HEATR1: variants seen among roughly 807,000 people sequenced by gnomAD.
The protein encoded by HEATR1 is HEAT repeat containing 1, also known as HEAT repeat-containing protein 1.
A neutral mutation model predicts 248.2 loss-of-function variants in HEATR1; 77 were observed. That is an observed-to-expected ratio of 0.31 (90% CI 0.26 to 0.37). HEATR1 has a LOEUF of 0.37. HEATR1 is among the 10% of genes least tolerant of loss of function. The pLI is 1.00. For missense variants in HEATR1, 2,420 were observed against 2,504.9 expected (o/e 0.97, Z 0.72); for synonymous variants, 897 against 923.1 (o/e 0.97, Z 0.51).
intron 26 of HEATR1, among the ~76,000 whole-genome samples, chr1:236,572,068 T>C (rs1663444045): frequency 6.6e-6 from 1 of 152,170 alleles, no homozygotes; most frequent in African/African-American, 2.4e-5. Context: ...TATGAAAATA[T>C]ATTTAGATAG....
In HEATR1 at chr1:236,574,701, T is replaced by G; in HGVS notation, c.3287A>C (p.Tyr1096Ser). 1 of 1,613,994 alleles carries G rather than the reference T, an allele frequency of 6.2e-7. No homozygotes were observed. Among genetic ancestry groups the G allele is most frequent in the South Asian group, 1.1e-5 (1 of 91,056 alleles). ...IKAVHTTKELYAGMPTIQITA... is the reference protein window; with the variant it reads ...IKAVHTTKELSAGMPTIQITA... The stretch of plus-strand genomic sequence containing the variant: ...GATCTGAATGGTTGGCATTCCCGCG[T>G]AAAGTTCCTTTGTTGTGTGCACAGC... Residue 1096 changes from tyrosine to serine, a missense_variant, in exon 23 of 45, where the codon TAC (tyrosine) becomes TCC (serine). Tyr to Ser is a moderately radical substitution (Grantham distance 144). Transcript: ENST00000366582.
intron 19 of HEATR1, 65 bp downstream of exon 19, chr1:236,582,671 G>A (rs917989417): frequency 3.2e-6 from 5 of 1,567,334 alleles, no homozygotes; most frequent in Non-Finnish European, 4.4e-6. Flanking sequence ...CCAAAGTGCT[G>A]GGATTGCAGG....
chr1:236,603,886 A>G, intron 2 of HEATR1, 68 bp downstream of exon 2: 1 of 1,546,180 alleles, frequency 6.5e-7, no homozygotes, highest in Non-Finnish European at 8.7e-7. Context: ...CAAGGGGAAA[A>G]AAAAAAAACA....
In HEATR1 at chr1:236,550,871, C is replaced by CT. The variant is rs893445042; in HGVS notation, c.*30dup. 8 of 1,518,822 alleles carry CT rather than the reference C, an allele frequency of 5.3e-6. No homozygotes were observed. Among genetic ancestry groups the CT allele is most frequent in the Admixed American group, 4.3e-5 (2 of 45,990 alleles). The allele number at this position is 1,518,822 out of a possible 1,614,324, so 94.1% of individuals were successfully genotyped here. ...AAAATATGAAATATGAGTGTGAACTCTGAGTAGAGTATGAAACACCACAGA... is the reference window on the plus strand; with the variant it reads ...AAAATATGAAATATGAGTGTGAACTCTTGAGTAGAGTATGAAACACCACAGA... On this transcript the variant is annotated 3_prime_UTR_variant, in exon 45 of 45. Coordinates refer to ENST00000366582, the MANE Select transcript of HEATR1 (RefSeq NM_018072.6).
Position 236,550,787 on chromosome 1 carries a change from T to C in HEATR1, c.*115A>G. The C allele has an allele frequency of 1.4e-6, 1 of 734,492 alleles. No homozygotes were observed. The highest frequency in any genetic ancestry group is 2.0e-5 in the South Asian group (1 of 51,130). The allele number at this position is 734,492 out of a possible 1,614,324, so 45.5% of individuals were successfully genotyped here. ...AAAGAAGTGATAAAACATTTGTAAG[T>C]AATCCAAGTAGGTGTATTAAGGCAC... On this transcript the variant is annotated 3_prime_UTR_variant, in exon 45 of 45. Transcript: ENST00000366582.
chr1:236,583,310 G>C, intron 17 of HEATR1, 114 bp from the exon 18 acceptor site: 1 of 858,890 alleles, frequency 1.2e-6, no homozygotes, highest in Non-Finnish European at 1.8e-6. Context: ...TTTTGGTGGG[G>C]AAAGGATTAA....
chr1:236,575,583 G>C (rs1406512300), intron 22 of HEATR1, among the ~76,000 whole-genome samples: 1 of 152,148 alleles, frequency 6.6e-6, no homozygotes, highest in African/African-American at 2.4e-5. Context: ...CAACCTGTTT[G>C]TTCCTACCAA....
At chr1:236,598,041 C>T (rs1347696039) in intron 4 of HEATR1, 62 bp from the exon 5 acceptor site, 1 of 1,041,768 alleles carries the variant, frequency 9.6e-7, no homozygotes, top group Non-Finnish European at 1.5e-6. Context: ...TATTTTAAAG[C>T]ATTTACCCTA....
Position 236,566,015 on chromosome 1 carries a change from A to C in HEATR1, c.4339T>G (p.Trp1447Gly). ...DAILEADTEF[W>G]FSVCCEFSVQ... ...CTAAACTCACAACAGACTGAAAACC[A>C]AAATTCAGTGTCTGCTTCTAAAATA... The change falls in exon 31 of 45, where the codon TGG (tryptophan) becomes GGG (glycine). Residue 1447 changes from tryptophan (W) to glycine (G), a missense_variant. Physicochemically the swap from Trp to Gly is radical, Grantham distance 184 (BLOSUM62 -2). Coordinates refer to ENST00000366582, the MANE Select transcript of HEATR1 (RefSeq NM_018072.6). The C allele has an allele frequency of 1.2e-6, 2 of 1,613,784 alleles. No individual in the cohort carries two copies. Among genetic ancestry groups the C allele is most frequent in the South Asian group, 1.1e-5 (1 of 91,052 alleles).
chr1:236,556,635 T>TGG (rs1279714811), intron 37 of HEATR1, among the ~76,000 whole-genome samples: 1 of 152,170 alleles, frequency 6.6e-6, no homozygotes, highest in Non-Finnish European at 1.5e-5. Context: ...CTGGCTGTGG[T>TGG]GTAAGTGAAG....
In HEATR1 at chr1:236,576,942, T is replaced by C. The variant is rs1331746161; in HGVS notation, c.2763A>G (p.Thr921=). 2.5e-6 allele frequency: 4 copies of C among 1,575,050 alleles called. 1 individual carries two copies. In the South Asian group the frequency reaches 4.8e-5, roughly 19 times the overall value. ...GGCTTCCCAGGTTAATGAGTAAAGATGTCACCACTAAAATCAAAGGAAAAA... is the reference window on the plus strand; with the variant it reads ...GGCTTCCCAGGTTAATGAGTAAAGACGTCACCACTAAAATCAAAGGAAAAA... The part of the protein sequence containing the change: ...QLASISSPVV[T]SLLINLGSPV... Residue 921 remains threonine, a synonymous_variant, in exon 21 of 45, where the codon ACA becomes ACG. Coordinates refer to ENST00000366582, the MANE Select transcript of HEATR1 (RefSeq NM_018072.6).
At chr1:236,590,978 A>C in intron 11 of HEATR1, 24 bp from the exon 12 acceptor site, 1 of 1,197,938 alleles carries the variant, frequency 8.3e-7, no homozygotes, top group Non-Finnish European at 1.1e-6. Flanking sequence ...CATAGTTATC[A>C]AATGATTTCA....
chr1:236,549,386 G>C lies in HEATR1; in HGVS notation c.*1516C>G. 1 of 166,318 alleles carries C rather than the reference G, an allele frequency of 6.0e-6. No individual in the cohort carries two copies. The highest frequency in any genetic ancestry group is 1.3e-5 in the Non-Finnish European group (1 of 77,598). 10.3% of individuals were successfully genotyped at this position (166,318 alleles called of 1,614,324 possible). On this transcript the variant is annotated 3_prime_UTR_variant, in exon 45 of 45. Transcript: ENST00000366582. ...GAAATTTCAAAGGTTTGGGAGTGGGGAGGGAAAAAAGCTCAGTCAGTGAGG... is the reference window on the plus strand; with the variant it reads ...GAAATTTCAAAGGTTTGGGAGTGGGCAGGGAAAAAAGCTCAGTCAGTGAGG...
Position 236,585,934 on chromosome 1 carries a change from T to C in HEATR1, c.1935A>G (p.Glu645=), listed in dbSNP as rs374387392. 3.0e-5 allele frequency: 48 copies of C among 1,613,250 alleles called. No homozygotes were observed. The highest frequency in any genetic ancestry group is 3.9e-5 in the Non-Finnish European group (46 of 1,179,596). ...CTGGCTTTGTGCTTTTAATTACATT[T>C]TCAAGAGCTGTAAAGTAAAATCGAA... The part of the protein sequence containing the change: ...PLLRGWEEAL[E]NVIKSTKPGK... Residue 645 remains glutamate, a synonymous_variant, in exon 16 of 45, where the codon GAA becomes GAG. Coordinates refer to ENST00000366582, the MANE Select transcript of HEATR1 (RefSeq NM_018072.6).
rs1662641363 is a variant in HEATR1 at position 236,549,934 on chromosome 1, T to C, written c.*968A>G. The C allele has an allele frequency of 2.6e-5, 4 of 152,232 alleles. No homozygotes were observed. Among genetic ancestry groups the C allele is most frequent in the South Asian group, 2.1e-4 (1 of 4,826 alleles). 9.4% of individuals were successfully genotyped at this position (152,232 alleles called of 1,614,324 possible). ...TGTCTCTAAAATGCAAGTTGGCCTTTTGCTTGCCACATTTCTGCATTAAAC... is the reference window on the plus strand; with the variant it reads ...TGTCTCTAAAATGCAAGTTGGCCTTCTGCTTGCCACATTTCTGCATTAAAC... On this transcript the variant is annotated 3_prime_UTR_variant, in exon 45 of 45. Coordinates refer to ENST00000366582, the MANE Select transcript of HEATR1 (RefSeq NM_018072.6).
chr1:236,589,862 T>G (rs76352820), intron 12 of HEATR1, among the ~76,000 whole-genome samples: 2,538 of 152,316 alleles, frequency 0.017, 76 homozygotes, highest in African/African-American at 0.057. Flanking sequence ...ACACCCACAA[T>G]TTGAAGGCTA....
At position 236,582,860 on chromosome 1, in the gene HEATR1, C is replaced by A; in HGVS notation, c.2438G>T (p.Trp813Leu). 6.2e-7 allele frequency: 1 copy of A among 1,614,114 alleles called. No homozygotes were observed. The highest frequency in any genetic ancestry group is 8.5e-7 in the Non-Finnish European group (1 of 1,179,948). ...GTCTTCTTTCAGTTGTTCAGGATTC[C>A]ACCATATATCACCTACAAGGACATG... ...PKSFPKGDIW[W>L]NPEQLKEDSR... The change falls in exon 19 of 45, where the codon TGG becomes TTG. Residue 813 changes from tryptophan to leucine, a missense_variant. Trp to Leu is a moderately conservative substitution (Grantham distance 61, BLOSUM62 -2). Transcript: ENST00000366582.
At chr1:236,582,497 G>A (rs1663779113) in intron 19 of HEATR1, among the ~76,000 whole-genome samples, 1 of 151,716 alleles carries the variant, frequency 6.6e-6, no homozygotes, top group African/African-American at 2.4e-5. Context: ...CTGCCTCCCG[G>A]GTTCAAGCGA....
intron 31 of HEATR1, 149 bp downstream of exon 31, chr1:236,565,770 A>T (rs147435413): frequency 1.3e-6 from 1 of 749,194 alleles, no homozygotes; most frequent in Admixed American, 2.9e-5. Context: ...ACTATTTTCC[A>T]TAAGGATTCA....
Sources: gnomAD v4.1 joint callset for allele counts (sites outside exome capture counted in the v4.1 genomes callset) on GRCh38, gnomAD v4.1.1 for gene constraint, MANE v1.5 for transcripts, NCBI Gene and HGNC (gene_info 2026-07-23, HGNC 2026-07-21) for gene names.